Variants in NUF2 observed in about 807,000 individuals in gnomAD.
NUF2 encodes the protein NUF2 component of NDC80 kinetochore complex.
Under a neutral mutation model 61.8 loss-of-function variants are expected in NUF2, and 34 were observed. The observed-to-expected ratio is 0.55, with a 90% CI of 0.42 to 0.73. The LOEUF is 0.73. NUF2 is among the 30% of genes least tolerant of loss of function. The probability of loss-of-function intolerance (pLI) is 0.00; values close to 1 mark genes in which losing one functional copy is unlikely to be tolerated. For synonymous variants in NUF2, 172 were observed against 181.6 expected (o/e 0.95, Z 0.42); for missense variants, 445 against 539.1 (o/e 0.83, Z 1.73).
At position 163,322,200 on chromosome 1, in the gene NUF2, C is replaced by T. The variant is rs1177456372; in HGVS notation, c.-33C>T. The T allele has an allele frequency of 6.6e-6, 1 of 152,254 alleles. No individual in the cohort carries two copies. The highest frequency in any genetic ancestry group is 1.9e-4 in the East Asian group (1 of 5,190). The allele number at this position is 152,254 out of a possible 1,614,324, so 9.4% of individuals were successfully genotyped here. A position where few individuals can be genotyped will look rare whatever the true frequency, so the allele number is the denominator to read the frequency against. On this transcript the variant is annotated 5_prime_UTR_variant, in exon 1 of 14. Transcript: ENST00000271452. The stretch of plus-strand genomic sequence containing the variant: ...AGCGGTGGGAGGAGGCGGAAGAAAC[C>T]AGAGCCTGGGAGGTGAGGGGCGGGC...
intron 5 of NUF2, 88 bp downstream of exon 5, chr1:163,328,995 GA>G: frequency 6.6e-6 from 4 of 609,158 alleles, no homozygotes; most frequent in South Asian, 5.7e-5. Flanking sequence ...AAAAAAAAAG[GA>G]AAAAAACAAC....
intron 11 of NUF2, among the ~76,000 whole-genome samples, chr1:163,346,417 T>C (rs1406202125): frequency 6.6e-6 from 1 of 152,184 alleles, no homozygotes; most frequent in Non-Finnish European, 1.5e-5. Flanking sequence ...ACTGTTAATC[T>C]TCTGACCATA....
At chr1:163,345,558 C>A in intron 10 of NUF2, 120 bp from the exon 11 acceptor site, 1 of 806,506 alleles carries the variant, frequency 1.2e-6, no homozygotes, top group Non-Finnish European at 1.9e-6. Context: ...TTTAATTGTT[C>A]CGTGCTCTTA....
chr1:163,332,799 T>G (rs1300334960), intron 5 of NUF2, among the ~76,000 whole-genome samples: 1 of 152,188 alleles, frequency 6.6e-6, no homozygotes, highest in East Asian at 1.9e-4. Flanking sequence ...TTTTCTCATT[T>G]CAAGATCTTC....
chr1:163,330,429 G>T (rs2221683), intron 5 of NUF2, among the ~76,000 whole-genome samples: 63,217 of 151,962 alleles, frequency 0.42, 13,530 homozygotes, highest in South Asian at 0.59. Flanking sequence ...CCATTGATCT[G>T]TATGTCTATC....
intron 6 of NUF2, among the ~76,000 whole-genome samples, chr1:163,337,546 T>C (rs1650804001): frequency 6.6e-6 from 1 of 152,066 alleles, no homozygotes; most frequent in South Asian, 2.1e-4. Flanking sequence ...CTTCAAAGCT[T>C]ACCACATTCA....
intron 5 of NUF2, among the ~76,000 whole-genome samples, chr1:163,331,765 T>G (rs1286238422): frequency 6.6e-6 from 1 of 152,016 alleles, no homozygotes; most frequent in Non-Finnish European, 1.5e-5. Context: ...GGTTGGCAAA[T>G]TTGTTAACAT....
chr1:163,355,497 A>G lies in NUF2; in HGVS notation c.*28A>G, dbSNP rs1651458069. 6.4e-7 allele frequency: 1 copy of G among 1,561,232 alleles called. No individual in the cohort carries two copies. The highest frequency in any genetic ancestry group is 8.7e-7 in the Non-Finnish European group (1 of 1,155,062). ...AACAAAATTACATGTCTTTTTGTAA[A>G]TGGCTTGCCATCTTTTAATTTTCTA... On this transcript the variant is annotated 3_prime_UTR_variant, in exon 14 of 14. Coordinates refer to ENST00000271452, the MANE Select transcript of NUF2 (RefSeq NM_145697.3).
chr1:163,339,215 G>T, intron 7 of NUF2, 166 bp from the exon 8 acceptor site: 1 of 553,438 alleles, frequency 1.8e-6, no homozygotes. Flanking sequence ...TTTTCTGCCT[G>T]TAGTAGAGGC....
intron 9 of NUF2, among the ~76,000 whole-genome samples, chr1:163,342,117 TA>T (rs1306826380): frequency 1.3e-5 from 2 of 152,170 alleles, no homozygotes; most frequent in African/African-American, 4.8e-5. Context: ...TTCGTCAGAT[TA>T]TTTTTTAATA....
intron 9 of NUF2, among the ~76,000 whole-genome samples, chr1:163,342,142 T>C (rs1415480621): frequency 6.6e-6 from 1 of 152,164 alleles, no homozygotes; most frequent in East Asian, 1.9e-4. Context: ...TATTTTCTCA[T>C]TGTACTTTTA....
At chr1:163,339,288 C>T in intron 7 of NUF2, 93 bp from the exon 8 acceptor site, 1 of 724,536 alleles carries the variant, frequency 1.4e-6, no homozygotes, top group Non-Finnish European at 2.4e-6. Context: ...TAAAAGTAGA[C>T]AATTTCTTCA....
rs11802875 is a variant in NUF2 at position 163,343,749 on chromosome 1, C to T, written c.686C>T (p.Ser229Leu). 217,836 of 1,375,934 alleles carry T rather than the reference C, an allele frequency of 0.16. 18,621 individuals carry two copies. Among genetic ancestry groups the T allele is most frequent in the Admixed American group, 0.16 (6,006 of 36,612 alleles). 85.2% of individuals were successfully genotyped at this position (1,375,934 alleles called of 1,614,324 possible). A position where few individuals can be genotyped will look rare whatever the true frequency, so the allele number is the denominator to read the frequency against. Residue 229 changes from serine to leucine, a missense_variant, in exon 10 of 14, where the codon TCG becomes TTG. Ser to Leu is a moderately radical substitution (Grantham distance 145). Transcript: ENST00000271452. ...TCTCAACAGAATGAACTAAAATTGT[C>T]GGTGGTTTCTTTGAAAGAAATACAA... ...KTKRLNELKL[S>L]VVSLKEIQES...
At chr1:163,326,581 T>G (rs1338660529) in intron 2 of NUF2, among the ~76,000 whole-genome samples, 1 of 152,140 alleles carries the variant, frequency 6.6e-6, no homozygotes, top group African/African-American at 2.4e-5. Flanking sequence ...CAGATTAATT[T>G]TCATGCATTA....
intron 7 of NUF2, 34 bp downstream of exon 7, chr1:163,338,127 A>G (rs1313140729): frequency 2.0e-6 from 3 of 1,521,914 alleles, no homozygotes; most frequent in Admixed American, 1.7e-5. Context: ...AATAAATGCA[A>G]TTTCAAAATG....
chr1:163,339,520 G>A, intron 8 of NUF2, 43 bp downstream of exon 8: 1 of 1,168,998 alleles, frequency 8.6e-7, no homozygotes, highest in Non-Finnish European at 1.3e-6. Context: ...AACAAAATTT[G>A]TTTGTAGATG....
At chr1:163,344,011 C>T (rs1651035479) in intron 10 of NUF2, 141 bp downstream of exon 10, 1 of 407,906 alleles carries the variant, frequency 2.5e-6, no homozygotes, top group Non-Finnish European at 4.3e-6. Flanking sequence ...TATTTCTAAT[C>T]TGTAGCTTTT....
chr1:163,339,190 C>A (rs1650858274), intron 7 of NUF2, 191 bp from the exon 8 acceptor site: 2 of 525,730 alleles, frequency 3.8e-6, no homozygotes, highest in Middle Eastern at 5.0e-4. Flanking sequence ...ACTGAAGGAG[C>A]TCATGTGATT....
chr1:163,331,880 C>T (rs1277316124), intron 5 of NUF2, among the ~76,000 whole-genome samples: 1 of 150,792 alleles, frequency 6.6e-6, no homozygotes, highest in Non-Finnish European at 1.5e-5. Flanking sequence ...CTTTTTTTTT[C>T]CTAACCAGTC....
Sources: gnomAD v4.1 joint callset for allele counts (sites outside exome capture counted in the v4.1 genomes callset) on GRCh38, gnomAD v4.1.1 for gene constraint, MANE v1.5 for transcripts, NCBI Gene and HGNC (gene_info 2026-07-23, HGNC 2026-07-21) for gene names.